The following NEIL2 variants were observed in gnomAD, a reference collection of about 807,000 sequenced individuals.
NEIL2 encodes the protein nei like DNA glycosylase 2, also known as endonuclease 8-like 2.
A neutral mutation model predicts 22.2 loss-of-function variants in NEIL2; 23 were observed. That is an observed-to-expected ratio of 1.04 (90% CI 0.75 to 1.47). The LOEUF (loss-of-function observed/expected upper bound fraction) is 1.47, where lower values mean the gene tolerates loss of function less well. Ranked by LOEUF, NEIL2 falls within the 40% of genes most tolerant of loss-of-function variation. The pLI, the probability that NEIL2 is intolerant of heterozygous loss-of-function variation, is 0.00. For missense variants in NEIL2, 583 were observed against 404.7 expected (o/e 1.44, Z -3.78); for synonymous variants, 229 against 164.8 (o/e 1.39, Z -2.99).
At chr8:11,782,338 T>C (rs1227202214) in intron 3 of NEIL2, among the ~76,000 whole-genome samples, 1 of 152,084 alleles carries the variant, frequency 6.6e-6, no homozygotes, top group African/African-American at 2.4e-5. Context: ...GGCAGGAGAA[T>C]CGCTTGAACC....
chr8:11,782,045 C>T (rs1468578545), intron 3 of NEIL2, among the ~76,000 whole-genome samples: 1 of 152,044 alleles, frequency 6.6e-6, no homozygotes, highest in Admixed American at 6.5e-5. Context: ...GCCTGGGCAA[C>T]AGAGCAAGAC....
intron 4 of NEIL2, among the ~76,000 whole-genome samples, chr8:11,783,850 G>A (rs1804665269): frequency 6.6e-6 from 1 of 152,140 alleles, no homozygotes; most frequent in African/African-American, 2.4e-5. Flanking sequence ...TTCCTGCCCT[G>A]GCCAGGGCAC....
intron 4 of NEIL2, among the ~76,000 whole-genome samples, chr8:11,784,435 C>T (rs1268562592): frequency 6.6e-6 from 1 of 152,184 alleles, no homozygotes; most frequent in Non-Finnish European, 1.5e-5. Context: ...GAAACTGAAG[C>T]AGAGAACACA....
At position 11,779,939 on chromosome 8, in the gene NEIL2, C is replaced by T; in HGVS notation, c.480C>T (p.Asp160=). 1 of 1,613,560 alleles carries T rather than the reference C, an allele frequency of 6.2e-7. No homozygotes were observed. Among genetic ancestry groups the T allele is most frequent in the South Asian group, 1.1e-5 (1 of 91,062 alleles). ...CCAACAAGAGGGGGGACTGGAGGGA[C>T]CCTTCCCCGAGGTAATGGTGTGGCC... ...KKANKRGDWR[D]PSPRLVLHFG... is the part of the protein sequence containing the mutation. Residue 160 remains aspartate, a synonymous_variant, in exon 3 of 5, where the codon GAC becomes GAT. Transcript: ENST00000284503.
At chr8:11,775,863 T>C (rs2130466805) in intron 2 of NEIL2, among the ~76,000 whole-genome samples, 1 of 152,354 alleles carries the variant, frequency 6.6e-6, no homozygotes, top group South Asian at 2.1e-4. Flanking sequence ...ATTGTCCATA[T>C]CACTATCAGC....
chr8:11,779,329 C>A (rs1180087685), intron 2 of NEIL2, among the ~76,000 whole-genome samples: 1 of 152,174 alleles, frequency 6.6e-6, no homozygotes, highest in African/African-American at 2.4e-5. Context: ...GGAGCGATTC[C>A]CTTCAGGTAT....
chr8:11,785,681 G>C (rs1168856689), intron 4 of NEIL2, among the ~76,000 whole-genome samples: 1 of 152,162 alleles, frequency 6.6e-6, no homozygotes, highest in African/African-American at 2.4e-5. Flanking sequence ...GGATCTGCTT[G>C]AGCTGCGATT....
chr8:11,780,341 A>T (rs1804299081), intron 3 of NEIL2, among the ~76,000 whole-genome samples: 1 of 152,212 alleles, frequency 6.6e-6, no homozygotes, highest in Non-Finnish European at 1.5e-5. Context: ...TATAATTAAC[A>T]TTCAGTAGAA....
Position 11,785,984 on chromosome 8 carries a change from C to G in NEIL2, c.710C>G (p.Ala237Gly), listed in dbSNP as rs200944726. 6.2e-7 allele frequency: 1 copy of G among 1,614,082 alleles called. No individual in the cohort carries two copies. The highest frequency in any genetic ancestry group is 2.2e-5 in the East Asian group (1 of 44,888). The change falls in exon 5 of 5, where the codon GCC becomes GGC. Residue 237 changes from alanine to glycine, a missense_variant. Physicochemically the swap from Ala to Gly is moderately conservative, Grantham distance 60. Coordinates refer to ENST00000284503, the MANE Select transcript of NEIL2 (RefSeq NM_145043.4). ...SGLGNIIKNE[A>G]LYRAGIHPLS... ...TCAGGGAACATCATTAAGAATGAAGCCTTGTACAGAGCTGGGATCCATCCC... is the reference window on the plus strand; with the variant it reads ...TCAGGGAACATCATTAAGAATGAAGGCTTGTACAGAGCTGGGATCCATCCC...
intron 2 of NEIL2, among the ~76,000 whole-genome samples, chr8:11,772,571 C>G (rs187332484): frequency 6.6e-5 from 10 of 152,312 alleles, no homozygotes; most frequent in Non-Finnish European, 1.5e-4. Context: ...TCCAGGACAT[C>G]ATGTACTTCC....
Position 11,786,608 on chromosome 8 carries a change from T to C in NEIL2, c.*335T>C, listed in dbSNP as rs8191669. On this transcript the variant is annotated 3_prime_UTR_variant, in exon 5 of 5. Coordinates refer to ENST00000284503, the MANE Select transcript of NEIL2 (RefSeq NM_145043.4). ...ATGGGAAATGGCTGTGCTCCCAACA[T>C]AGCTTTGCAGATGATGTGGGTTTTT... is the stretch of plus-strand genomic sequence containing the variant. 4,492 of 354,774 alleles carry C rather than the reference T, an allele frequency of 0.013. 202 individuals are homozygous for C. The highest frequency in any genetic ancestry group is 0.091 in the African/African-American group (4,202 of 46,358). The allele number at this position is 354,774 out of a possible 1,614,324, so 22.0% of individuals were successfully genotyped here. A position where few individuals can be genotyped will look rare whatever the true frequency, so the allele number is the denominator to read the frequency against.
intron 2 of NEIL2, among the ~76,000 whole-genome samples, chr8:11,775,223 A>G (rs576207300): frequency 9.8e-5 from 15 of 152,374 alleles, no homozygotes; most frequent in African/African-American, 3.4e-4. Context: ...TCAGAAATCT[A>G]GGTGGAGGTT....
intron 4 of NEIL2, among the ~76,000 whole-genome samples, chr8:11,785,702 C>T (rs998049373): frequency 3.7e-4 from 57 of 152,136 alleles, no homozygotes; most frequent in Admixed American, 3.7e-3. Flanking sequence ...CAAGTGCAGG[C>T]AGTCAGATGC....
intron 2 of NEIL2, among the ~76,000 whole-genome samples, chr8:11,778,371 A>T (rs750690267): frequency 4.0e-5 from 6 of 150,728 alleles, no homozygotes; most frequent in Non-Finnish European, 5.9e-5. Flanking sequence ...TCAGATTTAC[A>T]GATAAGCTAT....
rs1563268969 is a variant in NEIL2 at position 11,786,201 on chromosome 8, G to A, written c.927G>A (p.Gln309=). 1 of 1,613,530 alleles carries A rather than the reference G, an allele frequency of 6.2e-7. No individual in the cohort carries two copies. The highest frequency in any genetic ancestry group is 8.5e-7 in the Non-Finnish European group (1 of 1,180,038). ...CGTTTGGGCCCGAAGATGGGTTACAGAGGCTCACCTGGTGGTGCCCGCAGT... is the reference window on the plus strand; with the variant it reads ...CGTTTGGGCCCGAAGATGGGTTACAAAGGCTCACCTGGTGGTGCCCGCAGT... ...KEAFGPEDGL[Q]RLTWWCPQCQ... Residue 309 remains glutamine (Q), a synonymous_variant, in exon 5 of 5, where the codon CAG becomes CAA. Coordinates refer to ENST00000284503, the MANE Select transcript of NEIL2 (RefSeq NM_145043.4).
Position 11,771,692 on chromosome 8 carries a change from C to A in NEIL2, c.138+107C>A. The A allele has an allele frequency of 3.3e-6, 4 of 1,200,310 alleles. No homozygotes were observed. The South Asian group carries it at 5.8e-5, about 18-fold the overall frequency. 74.4% of individuals were successfully genotyped at this position (1,200,310 alleles called of 1,614,324 possible). ...TGTCACTTCCCTGAGTCCGGAACCA[C>A]CAAGCTCGGACTCCATGCAGCTCCC... On this transcript the variant is annotated intron_variant, in intron 2 of 4. Transcript: ENST00000284503.
At chr8:11,785,260 A>G (rs1393514367) in intron 4 of NEIL2, among the ~76,000 whole-genome samples, 3 of 152,158 alleles carry the variant, frequency 2.0e-5, no homozygotes, top group African/African-American at 4.8e-5. Context: ...CAGTGGCACA[A>G]TCTCAGATTA....
At position 11,783,103 on chromosome 8, in the gene NEIL2, G is replaced by C. The variant is rs896605054; in HGVS notation, c.492-100G>C. On this transcript the variant is annotated intron_variant, in intron 3 of 4. Transcript: ENST00000284503. ...AGAGTGTGCTCTATGTTGTGGTAAC[G>C]ATGTGGGGATGTGTGTATGTGTGTA... 2.7e-5 allele frequency: 26 copies of C among 953,532 alleles called. 3 individuals are homozygous for C. The highest frequency in any genetic ancestry group is 4.3e-4 in the Middle Eastern group (2 of 4,628). 59.1% of individuals were successfully genotyped at this position (953,532 alleles called of 1,614,324 possible). A position where few individuals can be genotyped will look rare whatever the true frequency, so the allele number is the denominator to read the frequency against.
At chr8:11,780,621 G>A (rs943137500) in intron 3 of NEIL2, among the ~76,000 whole-genome samples, 6 of 152,170 alleles carry the variant, frequency 3.9e-5, no homozygotes, top group Admixed American at 2.0e-4. Flanking sequence ...GGCCTCAAGC[G>A]ATCGCCTACC....
Sources: allele counts gnomAD v4.1 joint callset (sites outside exome capture counted in the v4.1 genomes callset), GRCh38; gene constraint gnomAD v4.1.1; transcripts MANE v1.5; gene names NCBI Gene and HGNC (gene_info 2026-07-23, HGNC 2026-07-21).